Variants in FGF12 observed in about 807,000 individuals in gnomAD.
FGF12 encodes the protein fibroblast growth factor 12B.
Under a neutral mutation model 23.6 loss-of-function variants are expected in FGF12, and 14 were observed. The ratio of observed to expected loss-of-function variants is 0.59; its 90% CI spans 0.39 to 0.93. The LOEUF is 0.93. Ranked by LOEUF, FGF12 falls within the 40% of genes least tolerant of loss-of-function variation. The pLI, the probability that FGF12 is intolerant of heterozygous loss-of-function variation, is 0.00. For synonymous variants in FGF12, 62 were observed against 77.3 expected (o/e 0.80, Z 1.04); for missense variants, 175 against 217.8 (o/e 0.80, Z 1.24).
chr3:192,457,319 GC>G (rs1299181093), intron 2 of FGF12, among the ~76,000 whole-genome samples: 1 of 152,214 alleles, frequency 6.6e-6, no homozygotes, highest in Non-Finnish European at 1.5e-5. Context: ...ACAGGCAGAG[GC>G]TGGAACACTT....
chr3:192,316,704 T>C (rs1414914623), intron 4 of FGF12, among the ~76,000 whole-genome samples: 1 of 152,168 alleles, frequency 6.6e-6, no homozygotes, highest in Admixed American at 6.5e-5. Flanking sequence ...CAAGTCCTGC[T>C]GCTGGGCTGG....
At chr3:192,162,357 A>T (rs986679525) in intron 5 of FGF12, among the ~76,000 whole-genome samples, 5 of 152,152 alleles carry the variant, frequency 3.3e-5, no homozygotes, top group African/African-American at 1.2e-4. Context: ...GATAACAACT[A>T]TAACGTTGTG....
At chr3:192,215,603 C>G (rs1230563136) in intron 4 of FGF12, among the ~76,000 whole-genome samples, 1 of 152,164 alleles carries the variant, frequency 6.6e-6, no homozygotes, top group Non-Finnish European at 1.5e-5. Context: ...CCACAACACT[C>G]CTGCCGACTC....
intron 2 of FGF12, among the ~76,000 whole-genome samples, chr3:192,523,762 A>G (rs1724877145): frequency 6.6e-6 from 1 of 152,158 alleles, no homozygotes; most frequent in African/African-American, 2.4e-5. Flanking sequence ...TCACTATCTC[A>G]TAGGGATGGA....
At chr3:192,460,453 G>C (rs1046879346) in intron 2 of FGF12, among the ~76,000 whole-genome samples, 4 of 152,040 alleles carry the variant, frequency 2.6e-5, no homozygotes, top group Non-Finnish European at 2.9e-5. Context: ...AAAAACAGTG[G>C]AATATAAGGC....
At chr3:192,403,411 T>C (rs1720839554) in intron 2 of FGF12, among the ~76,000 whole-genome samples, 1 of 152,196 alleles carries the variant, frequency 6.6e-6, no homozygotes, top group Non-Finnish European at 1.5e-5. Context: ...TAACTGCTAT[T>C]TTAAAATGTT....
At chr3:192,259,724 A>G (rs1405906949) in intron 4 of FGF12, among the ~76,000 whole-genome samples, 1 of 152,128 alleles carries the variant, frequency 6.6e-6, no homozygotes, top group Non-Finnish European at 1.5e-5. Context: ...TTTTTTTATA[A>G]GATACAAAAA....
At chr3:192,511,222 TAC>T (rs5855433) in intron 2 of FGF12, among the ~76,000 whole-genome samples, 4,380 of 149,644 alleles carry the variant, frequency 0.029, 78 homozygotes, top group Middle Eastern at 0.048. Flanking sequence ...CAATTGTGTG[TAC>T]ACACACACAC....
intron 4 of FGF12, among the ~76,000 whole-genome samples, chr3:192,320,967 T>C (rs1716501544): frequency 6.6e-6 from 1 of 151,578 alleles, no homozygotes; most frequent in South Asian, 2.1e-4. Flanking sequence ...ACCAGAGCAG[T>C]AGTAAAGGAA....
At chr3:192,217,844 CT>C (rs536986237) in intron 4 of FGF12, among the ~76,000 whole-genome samples, 21 of 145,932 alleles carry the variant, frequency 1.4e-4, no homozygotes, top group Admixed American at 2.1e-4. Context: ...CTTTTCTTTT[CT>C]TTTTTTTTTA....
rs187559091 is a variant in FGF12, at chr3:192,590,874, G to T, written c.13+136307C>A. Among the ~76,000 whole-genome samples the T allele has an allele frequency of 3.9e-4, 60 of 151,950 alleles. 2 individuals carry two copies. The highest frequency in any genetic ancestry group is 2.5e-3 in the Admixed American group (38 of 15,266). ...AAAAAACAGCTCCAGCCACAGTGAT[G>T]ACCTGATAGCTTGCTGTTCTTGACA... On this transcript the variant is annotated intron_variant, in intron 2 of 5. Coordinates refer to ENST00000445105, the MANE Select transcript of FGF12 (RefSeq NM_004113.6).
At chr3:192,647,370 C>G (rs1213436735) in intron 2 of FGF12, among the ~76,000 whole-genome samples, 1 of 152,034 alleles carries the variant, frequency 6.6e-6, no homozygotes, top group African/African-American at 2.4e-5. Flanking sequence ...TCTGCCAGCA[C>G]TAACCTACAA....
chr3:192,541,406 T>C (rs1047163759), intron 2 of FGF12, among the ~76,000 whole-genome samples: 4 of 152,298 alleles, frequency 2.6e-5, no homozygotes, highest in East Asian at 3.9e-4. Flanking sequence ...AGAAAACTAA[T>C]TAAAAGTTTA....
chr3:192,298,089 C>T (rs1715143275), intron 4 of FGF12, among the ~76,000 whole-genome samples: 1 of 152,226 alleles, frequency 6.6e-6, no homozygotes, highest in South Asian at 2.1e-4. Context: ...GTGCATGGCA[C>T]ACAGCAATCA....
At chr3:192,607,370 T>C (rs993622674) in intron 2 of FGF12, among the ~76,000 whole-genome samples, 7 of 152,238 alleles carry the variant, frequency 4.6e-5, no homozygotes, top group Admixed American at 1.3e-4. Context: ...AGGCCTGGCA[T>C]AAGGAAGAAC....
intron 4 of FGF12, among the ~76,000 whole-genome samples, chr3:192,232,921 C>T (rs1317797662): frequency 6.6e-6 from 1 of 152,096 alleles, no homozygotes; most frequent in East Asian, 1.9e-4. Flanking sequence ...CCACGACGTA[C>T]ATGTGCCATG....
At chr3:192,552,973 T>C (rs1252020020) in intron 2 of FGF12, among the ~76,000 whole-genome samples, 4 of 152,054 alleles carry the variant, frequency 2.6e-5, no homozygotes, top group South Asian at 4.1e-4. Flanking sequence ...AGCTGTAAAG[T>C]ACTGAAAGTT....
intron 2 of FGF12, among the ~76,000 whole-genome samples, chr3:192,366,555 C>T (rs532931128): frequency 5.9e-5 from 9 of 152,240 alleles, no homozygotes; most frequent in Non-Finnish European, 1.2e-4. Context: ...GTATGAGGTA[C>T]TCTTTTCTCA....
intron 4 of FGF12, among the ~76,000 whole-genome samples, chr3:192,227,764 T>C (rs989635105): frequency 1.3e-5 from 2 of 152,140 alleles, no homozygotes; most frequent in African/African-American, 2.4e-5. Flanking sequence ...TTACTTCTTA[T>C]TGAACTCTAT....
Sources: gnomAD v4.1 joint callset for allele counts (sites outside exome capture counted in the v4.1 genomes callset) on GRCh38, gnomAD v4.1.1 for gene constraint, MANE v1.5 for transcripts, NCBI Gene and HGNC (gene_info 2026-07-23, HGNC 2026-07-21) for gene names.